Variants in EYA2 observed in about 807,000 individuals in gnomAD.
The protein encoded by EYA2 is protein phosphatase EYA2.
Under a neutral mutation model 69.2 loss-of-function variants are expected in EYA2, and 31 were observed. That is an observed-to-expected ratio of 0.45 (90% CI 0.34 to 0.60). EYA2 has a LOEUF of 0.60. EYA2 is among the 20% of genes least tolerant of loss of function. The pLI, the probability that EYA2 is intolerant of heterozygous loss-of-function variation, is 0.02. For synonymous variants in EYA2, 257 were observed against 279.4 expected (o/e 0.92, Z 0.80); for missense variants, 622 against 701.2 (o/e 0.89, Z 1.28).
chr20:47,142,985 G>A, intron 9 of EYA2, 74 bp from the exon 10 acceptor site: 1 of 1,413,548 alleles, frequency 7.1e-7, no homozygotes, highest in Non-Finnish European at 9.8e-7. Flanking sequence ...TTCGGCAGTG[G>A]AATGGGACCA....
intron 1 of EYA2, among the ~76,000 whole-genome samples, chr20:46,977,737 CTTAT>C (rs1297874178): frequency 1.3e-5 from 2 of 152,132 alleles, no homozygotes; most frequent in Non-Finnish European, 2.9e-5. Context: ...CTGAATTTGC[CTTAT>C]TTATCTGGGG....
chr20:46,987,999 G>GATATATATATATAT lies in EYA2; in HGVS notation c.-10-2002_-10-2001insATATATATATATAT, dbSNP rs1568707249. Among the ~76,000 whole-genome samples the GATATATATATATAT allele has an allele frequency of 2.7e-4, 10 of 37,098 alleles. 1 individual carries two copies. Among genetic ancestry groups the GATATATATATATAT allele is most frequent in the South Asian group, 9.0e-4 (1 of 1,116 alleles). 24.3% of individuals were successfully genotyped at this position (37,098 alleles called of 152,430 possible). ...ATATATATATATATATATATATATGGGGCAAAAAAAAAATACAGAATAAAA... is the reference window on the plus strand; with the variant it reads ...ATATATATATATATATATATATATGGATATATATATATATGGCAAAAAAAAAATACAGAATAAAA... On this transcript the variant is annotated intron_variant, in intron 1 of 15. Transcript: ENST00000327619.
At chr20:47,070,208 A>T (rs1263991880) in intron 5 of EYA2, among the ~76,000 whole-genome samples, 1 of 152,236 alleles carries the variant, frequency 6.6e-6, no homozygotes, top group Non-Finnish European at 1.5e-5. Context: ...CTAATTTTTT[A>T]AAAAGATTTG....
intron 5 of EYA2, among the ~76,000 whole-genome samples, chr20:47,067,116 A>G (rs1213179259): frequency 2.0e-5 from 3 of 152,204 alleles, no homozygotes; most frequent in Admixed American, 6.5e-5. Flanking sequence ...ACAAGAGACT[A>G]TTTTGGAGAA....
At chr20:46,914,468 G>A (rs1248039719) in intron 1 of EYA2, among the ~76,000 whole-genome samples, 1 of 152,188 alleles carries the variant, frequency 6.6e-6, no homozygotes, top group Non-Finnish European at 1.5e-5. Flanking sequence ...TTGGCTCACA[G>A]GTCAGCATGT....
intron 5 of EYA2, among the ~76,000 whole-genome samples, chr20:47,062,934 A>C (rs1482784029): frequency 6.6e-6 from 1 of 152,132 alleles, no homozygotes; most frequent in East Asian, 1.9e-4. Context: ...GGAGTGTGGC[A>C]GAAGGCGGGG....
At chr20:46,986,335 T>G (rs908349340) in intron 1 of EYA2, among the ~76,000 whole-genome samples, 3 of 122,736 alleles carry the variant, frequency 2.4e-5, no homozygotes, top group African/African-American at 8.7e-5. Flanking sequence ...TCTCTATATA[T>G]CTAATGTATA....
intron 7 of EYA2, among the ~76,000 whole-genome samples, chr20:47,086,127 C>G (rs1307467092): frequency 6.6e-6 from 1 of 152,176 alleles, no homozygotes; most frequent in East Asian, 1.9e-4. Flanking sequence ...TGAACTTTTA[C>G]TCTGTATTAG....
rs143494333 is a variant in EYA2, at chr20:47,124,606, C to T, written c.889-18453C>T. Among the ~76,000 whole-genome samples the T allele has an allele frequency of 9.9e-5, 15 of 152,236 alleles. No homozygotes were observed. In the South Asian group the frequency reaches 1.2e-3, roughly 13 times the overall value. On this transcript the variant is annotated intron_variant, in intron 9 of 15. Transcript: ENST00000327619. Reference sequence around the variant, plus strand: ...ATAAACAAACCCATCTCCCATGTCACCACATGCCCCTCAGCCCTGGGCAGT... The same window carrying T: ...ATAAACAAACCCATCTCCCATGTCATCACATGCCCCTCAGCCCTGGGCAGT...
chr20:47,122,459 A>C (rs1199899350), intron 9 of EYA2, among the ~76,000 whole-genome samples: 4 of 151,278 alleles, frequency 2.6e-5, no homozygotes, highest in African/African-American at 9.7e-5. Context: ...GCACCCGGCT[A>C]ATTTTTTTTT....
intron 7 of EYA2, among the ~76,000 whole-genome samples, chr20:47,075,679 C>G (rs1012442827): frequency 2.6e-5 from 4 of 152,164 alleles, no homozygotes; most frequent in African/African-American, 9.7e-5. Context: ...TCAAAACATC[C>G]TTAAGCATGT....
At chr20:47,106,084 G>T (rs988478633) in intron 9 of EYA2, among the ~76,000 whole-genome samples, 1 of 152,174 alleles carries the variant, frequency 6.6e-6, no homozygotes, top group Non-Finnish European at 1.5e-5. Flanking sequence ...GTCATCTTTT[G>T]TGTTTTGTTT....
At chr20:46,995,906 G>A (rs1336035097) in intron 2 of EYA2, among the ~76,000 whole-genome samples, 2 of 152,186 alleles carry the variant, frequency 1.3e-5, no homozygotes, top group African/African-American at 4.8e-5. Flanking sequence ...ATCTGCATAT[G>A]TGCAAGATAT....
intron 1 of EYA2, among the ~76,000 whole-genome samples, chr20:46,986,402 A>C (rs1306350672): frequency 1.4e-5 from 2 of 147,762 alleles, no homozygotes; most frequent in Admixed American, 1.4e-4. Context: ...TATAATATAT[A>C]GATCTATATA....
chr20:46,958,957 G>C (rs534021155), intron 1 of EYA2, among the ~76,000 whole-genome samples: 8 of 152,312 alleles, frequency 5.3e-5, no homozygotes, highest in African/African-American at 1.9e-4. Flanking sequence ...TGGGCATTTA[G>C]GTTGATTCTG....
chr20:46,999,217 C>T (rs553976451), intron 2 of EYA2, among the ~76,000 whole-genome samples: 51 of 152,222 alleles, frequency 3.4e-4, no homozygotes, highest in Admixed American at 5.9e-4. Context: ...GTGTTTAATT[C>T]AGTAACTTAT....
intron 1 of EYA2, among the ~76,000 whole-genome samples, chr20:46,931,004 T>G (rs573786496): frequency 6.6e-6 from 1 of 152,310 alleles, no homozygotes; most frequent in Non-Finnish European, 1.5e-5. Flanking sequence ...GGTGCCAGTG[T>G]GATAACCGAA....
chr20:46,991,466 G>C (rs928485412), intron 2 of EYA2, among the ~76,000 whole-genome samples: 5 of 152,210 alleles, frequency 3.3e-5, no homozygotes, highest in African/African-American at 4.8e-5. Flanking sequence ...GGGGCATGGT[G>C]CATGGTTAAA....
At chr20:47,128,117 A>G (rs2033246260) in intron 9 of EYA2, among the ~76,000 whole-genome samples, 1 of 152,192 alleles carries the variant, frequency 6.6e-6, no homozygotes, top group Non-Finnish European at 1.5e-5. Flanking sequence ...GATGGTTCTG[A>G]GCCCTTCGGG....
Sources: gnomAD v4.1 joint callset for allele counts (sites outside exome capture counted in the v4.1 genomes callset) on GRCh38, gnomAD v4.1.1 for gene constraint, MANE v1.5 for transcripts, NCBI Gene and HGNC (gene_info 2026-07-23, HGNC 2026-07-21) for gene names.